PCNX1: variants seen among roughly 807,000 people sequenced by gnomAD.
PCNX1 encodes the protein pecanex-like protein 1.
A neutral mutation model predicts 242.2 loss-of-function variants in PCNX1; 78 were observed. That is an observed-to-expected ratio of 0.32 (90% CI 0.27 to 0.39). The LOEUF is 0.39. Among genes scored for constraint, PCNX1 ranks in the 10% least tolerant of loss-of-function variants. The pLI, the probability that PCNX1 is intolerant of heterozygous loss-of-function variation, is 1.00. For synonymous variants in PCNX1, 1,024 were observed against 1,032.9 expected, an observed-to-expected ratio of 0.99 and a Z score of 0.17; for missense variants, 2,581 against 2,856.5, an observed-to-expected ratio of 0.90 and a Z score of 2.20.
chr14:71,050,985 A>G (rs572569183), intron 23 of PCNX1, among the ~76,000 whole-genome samples: 2 of 152,026 alleles, frequency 1.3e-5, no homozygotes, highest in South Asian at 2.1e-4. Flanking sequence ...CCTGACCAAC[A>G]TGGATAAACC....
intron 4 of PCNX1, among the ~76,000 whole-genome samples, chr14:70,968,645 T>C (rs2058451729): frequency 6.6e-6 from 1 of 152,214 alleles, no homozygotes; most frequent in Admixed American, 6.5e-5. Flanking sequence ...TTCAGATAAA[T>C]TCGTATTGTT....
chr14:71,044,617 G>C (rs2060806042), intron 19 of PCNX1: 1 of 152,838 alleles, frequency 6.5e-6, no homozygotes. Flanking sequence ...TGATGAACAG[G>C]TCAGTGATGG....
chr14:71,095,245 A>G (rs148332053), intron 30 of PCNX1, among the ~76,000 whole-genome samples: 22 of 152,344 alleles, frequency 1.4e-4, no homozygotes, highest in Admixed American at 3.3e-4. Flanking sequence ...GAGTTTACAT[A>G]TGATATGTGC....
intron 19 of PCNX1, among the ~76,000 whole-genome samples, chr14:71,036,870 A>G (rs2060551872): frequency 6.6e-6 from 1 of 152,172 alleles, no homozygotes; most frequent in Non-Finnish European, 1.5e-5. Flanking sequence ...TCTGTAAATT[A>G]CCTTGGGCAG....
intron 16 of PCNX1, among the ~76,000 whole-genome samples, chr14:71,030,337 C>G (rs2060348291): frequency 6.6e-6 from 1 of 152,052 alleles, no homozygotes; most frequent in African/African-American, 2.4e-5. Flanking sequence ...GACTTCCTTT[C>G]TTTCTTTTTT....
intron 7 of PCNX1, among the ~76,000 whole-genome samples, chr14:70,989,534 A>G (rs1016064563): frequency 7.9e-6 from 1 of 126,364 alleles, no homozygotes; most frequent in Non-Finnish European, 1.6e-5. Flanking sequence ...ACAGATATAA[A>G]TTTTTTTTTT....
chr14:70,969,418 C>G lies in PCNX1; in HGVS notation c.604+308C>G, dbSNP rs117518812. ...TCTTTTAGTTGGTCAGACCAACTAGCCCAGCTTAGGGATAACCTAGTATGT... is the reference window on the plus strand; with the variant it reads ...TCTTTTAGTTGGTCAGACCAACTAGGCCAGCTTAGGGATAACCTAGTATGT... On this transcript the variant is annotated intron_variant, in intron 5 of 35. Transcript: ENST00000304743. 1,130 of 278,318 alleles carry G rather than the reference C, an allele frequency of 4.1e-3. 4 individuals carry two copies. The highest frequency in any genetic ancestry group is 0.012 in the Middle Eastern group (10 of 864). 17.2% of individuals were successfully genotyped at this position (278,318 alleles called of 1,614,324 possible).
rs561659031 is a variant in PCNX1 at position 70,928,994 on chromosome 14, G to T, written c.154-17921G>T. On this transcript the variant is annotated intron_variant, in intron 1 of 35. Transcript: ENST00000304743. Reference sequence around the variant, plus strand: ...GATAGGATGAGTTAGTTTTGTAAAAGGTTTTTGTGAATCACCATTTCTATC... The same window carrying T: ...GATAGGATGAGTTAGTTTTGTAAAATGTTTTTGTGAATCACCATTTCTATC... Among the ~76,000 whole-genome samples the T allele has an allele frequency of 6.4e-4, 97 of 152,238 alleles. No individual in the cohort carries two copies. The South Asian group carries it at 8.9e-3, about 14-fold the overall frequency.
At chr14:71,074,325 T>G (rs1163474525) in intron 27 of PCNX1, among the ~76,000 whole-genome samples, 1 of 152,130 alleles carries the variant, frequency 6.6e-6, no homozygotes, top group African/African-American at 2.4e-5. Flanking sequence ...CACCCTCACT[T>G]CTGACATCAG....
chr14:70,933,399 G>A (rs2056878343), intron 1 of PCNX1, among the ~76,000 whole-genome samples: 1 of 152,192 alleles, frequency 6.6e-6, no homozygotes, highest in Non-Finnish European at 1.5e-5. Context: ...TGCCCCATGA[G>A]CTAAGAATTA....
intron 26 of PCNX1, among the ~76,000 whole-genome samples, chr14:71,058,854 C>T (rs1311334052): frequency 6.6e-6 from 1 of 152,066 alleles, no homozygotes; most frequent in East Asian, 1.9e-4. Context: ...TTATTCTTGC[C>T]TTATGAATAT....
intron 13 of PCNX1, among the ~76,000 whole-genome samples, chr14:71,023,469 T>C (rs1441360244): frequency 6.6e-6 from 1 of 152,142 alleles, no homozygotes; most frequent in Non-Finnish European, 1.5e-5. Context: ...ATGAGCATGA[T>C]AATTCACTTT....
chr14:71,073,841 T>C, intron 27 of PCNX1, 43 bp downstream of exon 27: 1 of 1,465,576 alleles, frequency 6.8e-7, no homozygotes, highest in Non-Finnish European at 9.1e-7. Flanking sequence ...AATCAGAGTT[T>C]CTTCTTGGGA....
rs1033413789 is a variant in PCNX1 at position 70,935,574 on chromosome 14, T to C, written c.154-11341T>C. On this transcript the variant is annotated intron_variant, in intron 1 of 35. Coordinates refer to ENST00000304743, the MANE Select transcript of PCNX1 (RefSeq NM_014982.3). ...CTGTAGACCATTCAGTGTTAAGTACTCTGTTTTATCTTTTCCTATTTGGCA... is the reference window on the plus strand; with the variant it reads ...CTGTAGACCATTCAGTGTTAAGTACCCTGTTTTATCTTTTCCTATTTGGCA... 3.9e-5 allele frequency among the ~76,000 whole-genome samples: 6 copies of C among 152,330 alleles called. 1 individual carries two copies. Among genetic ancestry groups the C allele is most frequent in the Admixed American group, 3.9e-4 (6 of 15,296 alleles).
chr14:71,004,622 G>A (rs1036714499), intron 8 of PCNX1, among the ~76,000 whole-genome samples: 1 of 152,144 alleles, frequency 6.6e-6, no homozygotes, highest in Non-Finnish European at 1.5e-5. Flanking sequence ...GAAAGGTTGG[G>A]GGCCAGAAAG....
intron 3 of PCNX1, among the ~76,000 whole-genome samples, chr14:70,966,038 T>C (rs7155471): frequency 0.032 from 4,819 of 152,264 alleles, 223 homozygotes; most frequent in African/African-American, 0.11. Flanking sequence ...TATGTCATAA[T>C]TGATTGTATC....
At chr14:71,050,189 T>C (rs1332443273) in intron 22 of PCNX1, among the ~76,000 whole-genome samples, 1 of 152,040 alleles carries the variant, frequency 6.6e-6, no homozygotes, top group Admixed American at 6.6e-5. Context: ...ATTATTATTA[T>C]ACTTTAAGTT....
chr14:71,024,890 T>C (rs2060199024), intron 13 of PCNX1, among the ~76,000 whole-genome samples: 1 of 152,176 alleles, frequency 6.6e-6, no homozygotes, highest in Admixed American at 6.5e-5. Context: ...CCCACTTTCT[T>C]AAGAACCATT....
intron 1 of PCNX1, among the ~76,000 whole-genome samples, chr14:70,914,367 A>G (rs73290000): frequency 0.035 from 5,287 of 152,260 alleles, 284 homozygotes; most frequent in African/African-American, 0.12. Flanking sequence ...AAGCAGCCAT[A>G]TTTGTCAATT....
Sources: allele counts gnomAD v4.1 joint callset (sites outside exome capture counted in the v4.1 genomes callset), GRCh38; gene constraint gnomAD v4.1.1; transcripts MANE v1.5; gene names NCBI Gene and HGNC (gene_info 2026-07-23, HGNC 2026-07-21).